Variants in KHDRBS2 observed in about 807,000 individuals in gnomAD.
KHDRBS2 encodes the protein KH RNA binding domain containing, signal transduction associated 2.
Under a neutral mutation model 44.3 loss-of-function variants are expected in KHDRBS2, and 26 were observed. The observed-to-expected ratio is 0.59, with a 90% CI of 0.43 to 0.81. KHDRBS2 has a LOEUF of 0.81. KHDRBS2 is among the 40% of genes least tolerant of loss of function. The pLI is 0.00. For missense variants in KHDRBS2, 476 were observed against 433.1 expected, an observed-to-expected ratio of 1.10 and a Z score of -0.88; for synonymous variants, 194 against 151.1, an observed-to-expected ratio of 1.28 and a Z score of -2.08.
At chr6:61,836,011 C>T (rs1792611965) in intron 6 of KHDRBS2, among the ~76,000 whole-genome samples, 2 of 151,916 alleles carry the variant, frequency 1.3e-5, no homozygotes, top group African/African-American at 2.4e-5. Context: ...TGTCAACCTG[C>T]TCTCCTTAAA....
At chr6:62,144,300 A>G (rs1562952529) in intron 2 of KHDRBS2, among the ~76,000 whole-genome samples, 2 of 152,126 alleles carry the variant, frequency 1.3e-5, no homozygotes, top group East Asian at 3.9e-4. Context: ...TTTAGATGTT[A>G]ACAAAATATT....
At chr6:62,074,463 T>G (rs1222159045) in intron 2 of KHDRBS2, among the ~76,000 whole-genome samples, 2 of 151,852 alleles carry the variant, frequency 1.3e-5, no homozygotes, top group Non-Finnish European at 2.9e-5. Context: ...AAACATAATT[T>G]TTCTCCCGCC....
chr6:61,956,344 A>G (rs183884600), intron 4 of KHDRBS2, among the ~76,000 whole-genome samples: 39 of 152,340 alleles, frequency 2.6e-4, no homozygotes, highest in Admixed American at 9.8e-4. Flanking sequence ...TAGCACACTT[A>G]AAAGACATCA....
At position 61,980,274 on chromosome 6, in the gene KHDRBS2, A is replaced by G. The variant is rs527826835; in HGVS notation, c.337-2062T>C. On this transcript the variant is annotated intron_variant, in intron 3 of 8. Coordinates refer to ENST00000281156, the MANE Select transcript of KHDRBS2 (RefSeq NM_152688.4). ...GTAGCTACCTGCTTTTTGTATTTTT[A>G]TGAAGAATATATCATAAATTGTTCA... is the stretch of plus-strand genomic sequence containing the variant. 2.0e-5 allele frequency among the ~76,000 whole-genome samples: 3 copies of G among 152,224 alleles called. No homozygotes were observed. The South Asian group carries it at 6.2e-4, about 32-fold the overall frequency.
intron 6 of KHDRBS2, among the ~76,000 whole-genome samples, chr6:61,773,549 T>G (rs939132939): frequency 6.6e-6 from 1 of 150,970 alleles, no homozygotes; most frequent in African/African-American, 2.4e-5. Flanking sequence ...ATTAGCCCTT[T>G]GTCAGAAGAG....
At chr6:61,620,726 C>T in the KHDRBS2 span, among the ~76,000 whole-genome samples, 4 of 152,294 alleles carry the variant, frequency 2.6e-5, no homozygotes, top group South Asian at 2.1e-4. Context: ...GCTACTATTA[C>T]TCTAGGCTAC....
intron 2 of KHDRBS2, among the ~76,000 whole-genome samples, chr6:62,083,048 G>C (rs1797703210): frequency 1.3e-5 from 2 of 152,150 alleles, no homozygotes; most frequent in African/African-American, 4.8e-5. Context: ...CCTCAAGCCT[G>C]GACCTGTGGC....
At chr6:61,713,446 T>C (rs527680368) in intron 7 of KHDRBS2, among the ~76,000 whole-genome samples, 2 of 151,954 alleles carry the variant, frequency 1.3e-5, no homozygotes, top group South Asian at 4.1e-4. Context: ...GTGTTGTTAT[T>C]AGTTTTCCAA....
intron 4 of KHDRBS2, among the ~76,000 whole-genome samples, chr6:61,941,365 C>T (rs1350852967): frequency 6.6e-6 from 1 of 152,144 alleles, no homozygotes. Flanking sequence ...AATTCCATGT[C>T]AGTTGGCTGG....
rs867901915 is a variant in KHDRBS2, at chr6:61,951,268, C to A, written c.483+26798G>T. Among the ~76,000 whole-genome samples, 3 of 151,984 alleles carry A rather than the reference C, an allele frequency of 2.0e-5. No individual in the cohort carries two copies. The Middle Eastern group carries it at 0.01, about 517-fold the overall frequency. ...AGGTAGACTTGAGATTGACAAATGG[C>A]TCCATGTGCAAAAAGGAAGTAAATT... On this transcript the variant is annotated intron_variant, in intron 4 of 8. Transcript: ENST00000281156.
chr6:61,894,705 G>C lies in KHDRBS2; in HGVS notation c.740C>G (p.Ala247Gly). The C allele has an allele frequency of 6.2e-7, 1 of 1,613,602 alleles. No individual in the cohort carries two copies. Among genetic ancestry groups the C allele is most frequent in the Non-Finnish European group, 8.5e-7 (1 of 1,179,826 alleles). Residue 247 changes from alanine to glycine, a missense_variant, in exon 6 of 9, where the codon GCC becomes GGC. Transcript: ENST00000281156. The part of the protein sequence containing the change: ...PVARGVPTPR[A>G]RGAPTVPGYR... ...TCCTGGCACTGTTGGTGCCCCCCGG[G>C]CTCGAGGGGTAGGGACACCTCTTGC...
At chr6:61,560,228 A>G in the KHDRBS2 span, among the ~76,000 whole-genome samples, 1 of 152,112 alleles carries the variant, frequency 6.6e-6, no homozygotes, top group Admixed American at 6.6e-5. Context: ...TAAAAAATCA[A>G]CGATCCTTTC....
chr6:62,242,499 T>C (rs1476226602), intron 1 of KHDRBS2, among the ~76,000 whole-genome samples: 12 of 152,146 alleles, frequency 7.9e-5, no homozygotes, highest in Middle Eastern at 3.4e-3. Context: ...ACAAGCAAAA[T>C]AGTCTTTACG....
intron 1 of KHDRBS2, among the ~76,000 whole-genome samples, chr6:62,263,076 T>G (rs1838631739): frequency 6.6e-6 from 1 of 151,714 alleles, no homozygotes; most frequent in South Asian, 2.1e-4. Flanking sequence ...TGCCATATAT[T>G]GTGTCTTCCA....
At position 62,190,046 on chromosome 6, in the gene KHDRBS2, C is replaced by A. The variant is rs77423190; in HGVS notation, c.92-12734G>T. Among the ~76,000 whole-genome samples, 435 of 152,034 alleles carry A rather than the reference C, an allele frequency of 2.9e-3. 2 individuals carry two copies. Among genetic ancestry groups the A allele is most frequent in the South Asian group, 0.027 (131 of 4,816 alleles). On this transcript the variant is annotated intron_variant, in intron 1 of 8. Coordinates refer to ENST00000281156, the MANE Select transcript of KHDRBS2 (RefSeq NM_152688.4). ...GGAAGGAAGATCGCCAAGGACTGAG[C>A]CCAGTGATACTCTAATATGCAAAGT... is the stretch of plus-strand genomic sequence containing the variant.
chr6:61,565,286 C>T, the KHDRBS2 span, among the ~76,000 whole-genome samples: 8 of 152,082 alleles, frequency 5.3e-5, no homozygotes, highest in Non-Finnish European at 8.8e-5. Context: ...ACAGCAAAAG[C>T]ACAGGCAATC....
At chr6:62,247,069 T>C (rs980348836) in intron 1 of KHDRBS2, among the ~76,000 whole-genome samples, 8 of 152,010 alleles carry the variant, frequency 5.3e-5, no homozygotes, top group Non-Finnish European at 1.2e-4. Context: ...GCAGATTTCC[T>C]CTTAAAGTAT....
chr6:62,065,536 A>G (rs1425359910), intron 2 of KHDRBS2, among the ~76,000 whole-genome samples: 1 of 150,216 alleles, frequency 6.7e-6, no homozygotes, highest in Non-Finnish European at 1.5e-5. Flanking sequence ...CGCAAGAACA[A>G]AAAACCAAAC....
the KHDRBS2 span, among the ~76,000 whole-genome samples, chr6:61,638,393 A>C: frequency 3.1e-3 from 468 of 152,258 alleles, 4 homozygotes; most frequent in Admixed American, 9.7e-3. Context: ...TCTGAGAAAA[A>C]CAAGCAATGG....
Sources: allele counts gnomAD v4.1 joint callset (sites outside exome capture counted in the v4.1 genomes callset), GRCh38; gene constraint gnomAD v4.1.1; transcripts MANE v1.5; gene names NCBI Gene and HGNC (gene_info 2026-07-23, HGNC 2026-07-21).